Variants in DMD observed in about 807,000 individuals in gnomAD.
DMD encodes the protein mutant dystrophin.
DMD carries 63 observed loss-of-function variants against 330.1 expected under a neutral mutation model. The observed-to-expected ratio is 0.19, with a 90% CI of 0.16 to 0.24. DMD has a LOEUF of 0.24. Among genes scored for constraint, DMD ranks in the 10% least tolerant of loss-of-function variants. The probability of loss-of-function intolerance (pLI) is 1.00; values close to 1 mark genes in which losing one functional copy is unlikely to be tolerated. For missense variants in DMD, 3,344 were observed against 2,684.1 expected (o/e 1.25, Z -5.43); for synonymous variants, 1,223 against 959.8 (o/e 1.27, Z -5.07).
chrX:32,577,250 G>C (rs1282677362), intron 13 of DMD, among the ~76,000 whole-genome samples: 1 of 111,848 alleles, frequency 8.9e-6, no homozygotes, highest in Non-Finnish European at 1.9e-5. Flanking sequence ...GCAATCCAAG[G>C]AGAGAGGCCT....
chrX:31,914,171 A>G (rs1004500572), intron 47 of DMD, among the ~76,000 whole-genome samples: 9 of 111,992 alleles, frequency 8.0e-5, no homozygotes, highest in East Asian at 2.8e-4. Context: ...GGAGAGAAGT[A>G]CTGGATTTAT....
chrX:32,394,512 G>T (rs751690882), intron 30 of DMD, among the ~76,000 whole-genome samples: 8 of 111,975 alleles, frequency 7.1e-5, no homozygotes, highest in Non-Finnish European at 1.5e-4. Flanking sequence ...TGGTCAAAAA[G>T]ATCAGATGTG....
chrX:32,435,232 A>C (rs1045446356), intron 29 of DMD, among the ~76,000 whole-genome samples: 4 of 96,435 alleles, frequency 4.1e-5, no homozygotes, highest in African/African-American at 1.5e-4. Context: ...ATGTATATTT[A>C]CATATTTTTA....
chrX:33,239,129 C>T (rs890432220), intron 1 of DMD, among the ~76,000 whole-genome samples: 3 of 107,099 alleles, frequency 2.8e-5, no homozygotes, highest in Admixed American at 1.0e-4. Flanking sequence ...TGGTGGTGGG[C>T]GCCTGTAATC....
At chrX:31,134,028 A>C in intron 77 of DMD, 74 bp downstream of exon 77, 2 of 932,666 alleles carry the variant, frequency 2.1e-6, no homozygotes, top group Admixed American at 4.5e-5. Flanking sequence ...TGGAAAATAC[A>C]CACACCAGTT....
At chrX:32,787,616 A>C (rs1353597764) in intron 7 of DMD, among the ~76,000 whole-genome samples, 1 of 111,507 alleles carries the variant, frequency 9.0e-6, no homozygotes, top group Non-Finnish European at 1.9e-5. Flanking sequence ...GGCACAGAAA[A>C]AGATTAATAA....
At chrX:32,983,679 G>GA (rs971810062) in intron 2 of DMD, among the ~76,000 whole-genome samples, 2 of 110,488 alleles carry the variant, frequency 1.8e-5, no homozygotes, top group Non-Finnish European at 3.8e-5. Context: ...TAACTTTAGG[G>GA]AAAAAATGGT....
intron 45 of DMD, among the ~76,000 whole-genome samples, chrX:31,957,910 A>G (rs957775863): frequency 6.3e-5 from 7 of 111,363 alleles, no homozygotes; most frequent in African/African-American, 2.0e-4. Flanking sequence ...AAACAAAGGT[A>G]GGACACTCAC....
At chrX:32,065,208 A>G (rs991177698) in intron 44 of DMD, among the ~76,000 whole-genome samples, 4 of 111,423 alleles carry the variant, frequency 3.6e-5, no homozygotes, top group African/African-American at 1.3e-4. Flanking sequence ...TACGTAATAA[A>G]TCACACCACA....
chrX:32,461,809 AT>A lies in DMD; in HGVS notation c.3432+1629del, dbSNP rs1286903514. ...TGGTATAATCTATTATTTAAGTAAT[AT>A]TTTTTTTTTTTCCTAAACAACTCTT... On this transcript the variant is annotated intron_variant, in intron 25 of 78. Coordinates refer to ENST00000357033, the MANE Select transcript of DMD (RefSeq NM_004006.3). Among the ~76,000 whole-genome samples, 493 of 104,374 alleles carry A rather than the reference AT, an allele frequency of 4.7e-3. 5 individuals are homozygous for A. The highest frequency in any genetic ancestry group is 0.011 in the Admixed American group (105 of 9,589). The allele number at this position is 104,374 out of a possible 115,157, so 90.6% of individuals were successfully genotyped here. A position where few individuals can be genotyped will look rare whatever the true frequency, so the allele number is the denominator to read the frequency against.
chrX:32,636,300 C>A (rs951405399), intron 11 of DMD, among the ~76,000 whole-genome samples: 4 of 111,868 alleles, frequency 3.6e-5, no homozygotes, highest in Non-Finnish European at 5.6e-5. Context: ...CTGCACCCTG[C>A]AACCTGATCT....
intron 1 of DMD, among the ~76,000 whole-genome samples, chrX:33,176,502 G>A (rs1240862863): frequency 1.8e-5 from 2 of 110,454 alleles, no homozygotes; most frequent in Admixed American, 9.7e-5. Flanking sequence ...GGCTTCATAC[G>A]TGGATTCAGG....
chrX:31,908,491 C>T (rs7052544), intron 47 of DMD, among the ~76,000 whole-genome samples: 10,110 of 107,950 alleles, frequency 0.094, 1,223 homozygotes, highest in African/African-American at 0.32. Flanking sequence ...CACCGCATGT[C>T]CTCACTCATA....
intron 30 of DMD, among the ~76,000 whole-genome samples, 156 bp downstream of exon 30, chrX:32,411,596 C>T (rs1244697597): frequency 9.0e-6 from 1 of 111,171 alleles, no homozygotes; most frequent in Non-Finnish European, 1.9e-5. Flanking sequence ...TGATCTAGAC[C>T]CCCTTTTCTT....
intron 74 of DMD, among the ~76,000 whole-genome samples, chrX:31,168,807 C>T (rs186097588): frequency 3.6e-5 from 4 of 111,894 alleles, no homozygotes; most frequent in Admixed American, 2.8e-4. Context: ...TATCCTGACA[C>T]AATACAGTAC....
At chrX:32,622,296 GGT>G (rs1054881978) in intron 11 of DMD, among the ~76,000 whole-genome samples, 1 of 111,255 alleles carries the variant, frequency 9.0e-6, no homozygotes, top group African/African-American at 3.3e-5. Flanking sequence ...GGATTGTGGA[GGT>G]GTGATACTAA....
At chrX:32,653,023 A>T (rs1255590667) in intron 9 of DMD, among the ~76,000 whole-genome samples, 2 of 110,555 alleles carry the variant, frequency 1.8e-5, no homozygotes, top group African/African-American at 6.6e-5. Context: ...TTTTCTTGTA[A>T]ATTTGTTTGA....
chrX:31,894,857 C>T (rs184511687), intron 47 of DMD, among the ~76,000 whole-genome samples: 87 of 111,598 alleles, frequency 7.8e-4, no homozygotes, highest in African/African-American at 2.7e-3. Context: ...ATATAAATTA[C>T]TCAGAGTTCC....
intron 63 of DMD, among the ~76,000 whole-genome samples, chrX:31,225,228 G>A (rs1340394255): frequency 8.9e-6 from 1 of 112,336 alleles, no homozygotes; most frequent in Non-Finnish European, 1.9e-5. Flanking sequence ...CACTGTAGAG[G>A]TGGTCAGTTG....
Sources: gnomAD v4.1 joint callset for allele counts (sites outside exome capture counted in the v4.1 genomes callset) on GRCh38, gnomAD v4.1.1 for gene constraint, MANE v1.5 for transcripts, NCBI Gene and HGNC (gene_info 2026-07-23, HGNC 2026-07-21) for gene names.